The following IL1RAP variants were observed in gnomAD, a reference collection of about 807,000 sequenced individuals.
IL1RAP encodes the protein interleukin 1 receptor accessory protein.
Under a neutral mutation model 60.7 loss-of-function variants are expected in IL1RAP, and 35 were observed. The ratio of observed to expected loss-of-function variants is 0.58; its 90% CI spans 0.44 to 0.76. The LOEUF (loss-of-function observed/expected upper bound fraction) is 0.76. Ranked by LOEUF, IL1RAP falls within the 30% of genes least tolerant of loss-of-function variation. The pLI, the probability that IL1RAP is intolerant of heterozygous loss-of-function variation, is 0.00. For missense variants in IL1RAP, 572 were observed against 693.9 expected, an observed-to-expected ratio of 0.82 and a Z score of 1.97; for synonymous variants, 268 against 250.9, an observed-to-expected ratio of 1.07 and a Z score of -0.64.
At chr3:190,633,657 G>A (rs1002817665) in intron 9 of IL1RAP, among the ~76,000 whole-genome samples, 1 of 152,046 alleles carries the variant, frequency 6.6e-6, no homozygotes, top group Non-Finnish European at 1.5e-5. Context: ...CACCATGCCC[G>A]GCCTGTAATA....
chr3:190,632,568 C>T (rs1021275849), intron 9 of IL1RAP, among the ~76,000 whole-genome samples: 3 of 152,114 alleles, frequency 2.0e-5, no homozygotes, highest in Non-Finnish European at 4.4e-5. Flanking sequence ...AATTCATTTT[C>T]TTTTAAACAG....
chr3:190,572,527 A>G (rs1727016615), intron 3 of IL1RAP, among the ~76,000 whole-genome samples: 1 of 152,184 alleles, frequency 6.6e-6, no homozygotes, highest in Admixed American at 6.5e-5. Flanking sequence ...AGAAAAATAG[A>G]GATAAAATAT....
At chr3:190,600,634 A>G (rs61748327) in intron 3 of IL1RAP, among the ~76,000 whole-genome samples, 11,327 of 152,296 alleles carry the variant, frequency 0.074, 459 homozygotes, top group South Asian at 0.1. Context: ...AATATACCCC[A>G]TCCAAAACAT....
intron 1 of IL1RAP, among the ~76,000 whole-genome samples, chr3:190,524,565 A>G (rs1577499683): frequency 6.6e-6 from 1 of 152,194 alleles, no homozygotes; most frequent in Non-Finnish European, 1.5e-5. Flanking sequence ...CAGTTACCCC[A>G]GCATTATTTA....
In IL1RAP at chr3:190,640,943, T is replaced by C. The variant is rs76424855; in HGVS notation, c.1052-3305T>C. Among the ~76,000 whole-genome samples the C allele has an allele frequency of 5.1e-3, 777 of 152,248 alleles. 8 individuals are homozygous for C. The highest frequency in any genetic ancestry group is 0.018 in the African/African-American group (754 of 41,532). ...TTGGTCGTACTACATCATGTCTTTC[T>C]GATAGGAAATTCTTTTTTTATTTTT... On this transcript the variant is annotated intron_variant, in intron 9 of 11. Coordinates refer to ENST00000447382, the MANE Select transcript of IL1RAP (RefSeq NM_002182.4).
chr3:190,647,670 G>A (rs1215937017), intron 11 of IL1RAP, among the ~76,000 whole-genome samples: 1 of 152,062 alleles, frequency 6.6e-6, no homozygotes, highest in Non-Finnish European at 1.5e-5. Flanking sequence ...AGGCTCCAGG[G>A]GAGAAAGAAG....
intron 9 of IL1RAP, chr3:190,630,035 C>T: frequency 2.5e-6 from 2 of 809,722 alleles, no homozygotes; most frequent in Non-Finnish European, 3.0e-6. Flanking sequence ...AGCAGCCATC[C>T]AATTGTATGC....
At position 190,650,917 on chromosome 3, in the gene IL1RAP, A is replaced by G. The variant is rs1734354761; in HGVS notation, c.*2212A>G. On this transcript the variant is annotated 3_prime_UTR_variant, in exon 12 of 12. Coordinates refer to ENST00000447382, the MANE Select transcript of IL1RAP (RefSeq NM_002182.4). ...CATTCCTTTTGCACTTTTGGATTCC[A>G]TATTTATCCCAAATGCTGTTGGGCA... is the stretch of plus-strand genomic sequence containing the variant. 1 of 985,368 alleles carries G rather than the reference A, an allele frequency of 1.0e-6. No homozygotes were observed. Among genetic ancestry groups the G allele is most frequent in the Non-Finnish European group, 1.2e-6 (1 of 829,862 alleles). 61.0% of individuals were successfully genotyped at this position (985,368 alleles called of 1,614,324 possible).
At chr3:190,600,161 A>G (rs1729735371) in intron 3 of IL1RAP, among the ~76,000 whole-genome samples, 1 of 152,100 alleles carries the variant, frequency 6.6e-6, no homozygotes, top group Non-Finnish European at 1.5e-5. Flanking sequence ...TGCTCGTTAA[A>G]CTTGAGCTTT....
intron 9 of IL1RAP, among the ~76,000 whole-genome samples, chr3:190,641,725 T>C (rs868382925): frequency 2.0e-5 from 3 of 152,092 alleles, no homozygotes; most frequent in Non-Finnish European, 2.9e-5. Flanking sequence ...AGCAACAACC[T>C]CCACCCCCAT....
chr3:190,551,668 C>T (rs139864195), intron 1 of IL1RAP, among the ~76,000 whole-genome samples: 1 of 152,186 alleles, frequency 6.6e-6, no homozygotes, highest in African/African-American at 2.4e-5. Context: ...TCTTTTATTC[C>T]ACTGTTACAA....
At chr3:190,606,911 TA>T (rs906852698) in intron 4 of IL1RAP, among the ~76,000 whole-genome samples, 2 of 152,004 alleles carry the variant, frequency 1.3e-5, no homozygotes, top group African/African-American at 2.4e-5. Flanking sequence ...CTTTGGGAGC[TA>T]AAAAAAAGTC....
intron 3 of IL1RAP, among the ~76,000 whole-genome samples, chr3:190,599,429 T>G (rs1265749131): frequency 6.6e-6 from 1 of 152,154 alleles, no homozygotes. Context: ...ATCTTCTAGT[T>G]TCCAGTCTTG....
At chr3:190,621,147 T>C (rs144049683) in intron 6 of IL1RAP, among the ~76,000 whole-genome samples, 76 of 152,310 alleles carry the variant, frequency 5.0e-4, no homozygotes, top group African/African-American at 1.7e-3. Flanking sequence ...ATAGCATCTC[T>C]GGGTATTGTT....
chr3:190,577,573 G>T (rs1377632080), intron 3 of IL1RAP, among the ~76,000 whole-genome samples: 1 of 152,156 alleles, frequency 6.6e-6, no homozygotes, highest in Non-Finnish European at 1.5e-5. Flanking sequence ...CCCCCTGCAG[G>T]ATCTTGCTCT....
chr3:190,602,006 A>G (rs989434608), intron 3 of IL1RAP, among the ~76,000 whole-genome samples: 5 of 152,180 alleles, frequency 3.3e-5, no homozygotes, highest in Non-Finnish European at 7.4e-5. Context: ...AGAACTCACA[A>G]GGACAGCCCA....
chr3:190,526,265 G>A (rs2108522906), intron 1 of IL1RAP, among the ~76,000 whole-genome samples: 1 of 152,278 alleles, frequency 6.6e-6, no homozygotes, highest in South Asian at 2.1e-4. Flanking sequence ...TTTTACACAA[G>A]ACAAAACTGA....
intron 3 of IL1RAP, among the ~76,000 whole-genome samples, chr3:190,582,605 C>G (rs1225582602): frequency 1.3e-5 from 2 of 152,162 alleles, no homozygotes; most frequent in East Asian, 3.9e-4. Context: ...GGCTGAGCCA[C>G]CCTGCCTGGC....
At chr3:190,620,715 C>T (rs1344668832) in intron 6 of IL1RAP, among the ~76,000 whole-genome samples, 2 of 152,122 alleles carry the variant, frequency 1.3e-5, no homozygotes, top group Non-Finnish European at 2.9e-5. Flanking sequence ...CAAATTCTGT[C>T]ACTGCCACTT....
Sources: allele counts gnomAD v4.1 joint callset (sites outside exome capture counted in the v4.1 genomes callset), GRCh38; gene constraint gnomAD v4.1.1; transcripts MANE v1.5; gene names NCBI Gene and HGNC (gene_info 2026-07-23, HGNC 2026-07-21).